Variants in CDH22 observed in about 807,000 individuals in gnomAD.
CDH22 encodes the protein cadherin 22, also known as cadherin-22.
CDH22 carries 30 observed loss-of-function variants against 58.4 expected under a neutral mutation model. That is an observed-to-expected ratio of 0.51 (90% CI 0.38 to 0.70). The LOEUF is 0.70. CDH22 is among the 30% of genes least tolerant of loss of function. The pLI, the probability that CDH22 is intolerant of heterozygous loss-of-function variation, is 0.00. For synonymous variants in CDH22, 513 were observed against 558.2 expected (o/e 0.92, Z 1.14); for missense variants, 1,014 against 1,233.9 (o/e 0.82, Z 2.67).
chr20:46,177,967 C>T lies in CDH22; in HGVS notation c.1894G>A (p.Val632Ile), dbSNP rs2085752698. Residue 632 changes from valine to isoleucine, a missense_variant, in exon 11 of 12, where the codon GTC (valine) becomes ATC (isoleucine). Transcript: ENST00000537909. The stretch of plus-strand genomic sequence containing the variant: ...TCACCAACCAGGATGAGAACGCAGA[C>T]CAAGAGGGCGATGAGGGCGCCGGGG... Reference protein sequence around the residue: ...LSPGALIALLVCVLILVVLVL... With the variant: ...LSPGALIALLICVLILVVLVL... 1 of 1,613,900 alleles carries T rather than the reference C, an allele frequency of 6.2e-7. No individual in the cohort carries two copies. Among genetic ancestry groups the T allele is most frequent in the Non-Finnish European group, 8.5e-7 (1 of 1,179,942 alleles).
chr20:46,219,074 T>A (rs553837295), intron 4 of CDH22, among the ~76,000 whole-genome samples: 1 of 152,156 alleles, frequency 6.6e-6, no homozygotes, highest in African/African-American at 2.4e-5. Context: ...ATGTGTGGTG[T>A]TTGTGTGTGT....
chr20:46,246,898 C>A (rs891905510), intron 2 of CDH22, among the ~76,000 whole-genome samples: 3 of 151,642 alleles, frequency 2.0e-5, no homozygotes, highest in African/African-American at 7.3e-5. Context: ...AGTGAGAGAG[C>A]GTGGTATGAG....
intron 7 of CDH22, among the ~76,000 whole-genome samples, chr20:46,208,697 G>A (rs956874569): frequency 4.6e-5 from 7 of 152,158 alleles, no homozygotes; most frequent in Admixed American, 1.3e-4. Flanking sequence ...GGGTTCAAGC[G>A]ATTCTCCTGC....
chr20:46,182,776 A>C (rs1348281588), intron 10 of CDH22, among the ~76,000 whole-genome samples: 1 of 152,248 alleles, frequency 6.6e-6, no homozygotes, highest in Non-Finnish European at 1.5e-5. Context: ...CAATATTTAT[A>C]AATCACGTTT....
chr20:46,249,931 G>T (rs2086358142), intron 2 of CDH22, among the ~76,000 whole-genome samples: 1 of 152,160 alleles, frequency 6.6e-6, no homozygotes, highest in Non-Finnish European at 1.5e-5. Context: ...CATGAAGCCA[G>T]ACAAAATATA....
At chr20:46,224,523 G>C (rs1258052648) in intron 4 of CDH22, among the ~76,000 whole-genome samples, 1 of 152,178 alleles carries the variant, frequency 6.6e-6, no homozygotes, top group Non-Finnish European at 1.5e-5. Flanking sequence ...AGAAGTTCTA[G>C]GTGTTTCTTT....
chr20:46,252,425 C>A (rs1341165399), intron 1 of CDH22, among the ~76,000 whole-genome samples: 1 of 152,244 alleles, frequency 6.6e-6, no homozygotes, highest in African/African-American at 2.4e-5. Flanking sequence ...CACTCTTGGA[C>A]CAGCCTGCCG....
intron 1 of CDH22, among the ~76,000 whole-genome samples, chr20:46,295,361 C>T (rs149405318): frequency 6.6e-6 from 1 of 152,368 alleles, no homozygotes; most frequent in African/African-American, 2.4e-5. Flanking sequence ...TGCTACCCAG[C>T]CTGAGCTCTC....
intron 2 of CDH22, among the ~76,000 whole-genome samples, chr20:46,246,445 C>G (rs562321149): frequency 1.3e-5 from 2 of 152,250 alleles, no homozygotes; most frequent in African/African-American, 4.8e-5. Context: ...AATTAAAAAT[C>G]CTACAAAATC....
chr20:46,261,564 C>T lies in CDH22; in HGVS notation c.-399-9871G>A, dbSNP rs369107764. 1.6e-4 allele frequency among the ~76,000 whole-genome samples: 24 copies of T among 152,270 alleles called. No individual in the cohort carries two copies. The East Asian group carries it at 2.1e-3, about 13-fold the overall frequency. ...TGTTCATTCCTTTACTCACTCACTT[C>T]TCCCGGCACACCTGGCTTGTATGTG... is the stretch of plus-strand genomic sequence containing the variant. On this transcript the variant is annotated intron_variant, in intron 1 of 11. Coordinates refer to ENST00000537909, the MANE Select transcript of CDH22 (RefSeq NM_021248.3).
intron 1 of CDH22, among the ~76,000 whole-genome samples, chr20:46,261,798 G>T (rs1286626140): frequency 6.6e-6 from 1 of 152,086 alleles, no homozygotes; most frequent in Non-Finnish European, 1.5e-5. Context: ...AATAGCTCCC[G>T]GTGTAATGCA....
At chr20:46,206,241 T>C (rs2086001299) in intron 7 of CDH22, among the ~76,000 whole-genome samples, 1 of 152,210 alleles carries the variant, frequency 6.6e-6, no homozygotes, top group African/African-American at 2.4e-5. Context: ...CAGGAAGTGG[T>C]GAGTCATGGG....
intron 5 of CDH22, among the ~76,000 whole-genome samples, chr20:46,214,308 G>A (rs922718294): frequency 6.6e-6 from 1 of 152,126 alleles, no homozygotes; most frequent in African/African-American, 2.4e-5. Flanking sequence ...TAAGTGATGG[G>A]CCAGCCTAGC....
At chr20:46,227,484 C>T (rs2086184905) in intron 4 of CDH22, 24 bp downstream of exon 4, 1 of 1,560,702 alleles carries the variant, frequency 6.4e-7, no homozygotes, top group Non-Finnish European at 8.6e-7. Flanking sequence ...ACGGCTCCGC[C>T]TCTGGCCCCG....
At chr20:46,246,518 C>T (rs73120401) in intron 2 of CDH22, among the ~76,000 whole-genome samples, 2,377 of 152,244 alleles carry the variant, frequency 0.016, 29 homozygotes, top group Non-Finnish European at 0.022. Flanking sequence ...AGTCAGAGTA[C>T]CCAGATTTTA....
At chr20:46,271,587 C>T (rs2086489340) in intron 1 of CDH22, among the ~76,000 whole-genome samples, 1 of 152,136 alleles carries the variant, frequency 6.6e-6, no homozygotes, top group African/African-American at 2.4e-5. Flanking sequence ...CTTCTACTCC[C>T]AACATGCACC....
At chr20:46,229,070 C>A (rs1054341525) in intron 3 of CDH22, among the ~76,000 whole-genome samples, 2 of 152,202 alleles carry the variant, frequency 1.3e-5, no homozygotes, top group Admixed American at 1.3e-4. Flanking sequence ...CCATGTCAAC[C>A]ATGTCAGAGT....
chr20:46,273,180 C>T (rs1038959642), intron 1 of CDH22, among the ~76,000 whole-genome samples: 4 of 152,208 alleles, frequency 2.6e-5, no homozygotes, highest in African/African-American at 4.8e-5. Context: ...CCCCTTATGC[C>T]GTGAGATCAT....
intron 3 of CDH22, among the ~76,000 whole-genome samples, chr20:46,229,348 G>A (rs2086203090): frequency 6.7e-6 from 1 of 149,590 alleles, no homozygotes; most frequent in African/African-American, 2.5e-5. Context: ...AGATTTCACT[G>A]AGGGCACAGA....
Sources: gnomAD v4.1 joint callset for allele counts (sites outside exome capture counted in the v4.1 genomes callset) on GRCh38, gnomAD v4.1.1 for gene constraint, MANE v1.5 for transcripts, NCBI Gene and HGNC (gene_info 2026-07-23, HGNC 2026-07-21) for gene names.